The following FBXO4 variants were observed in gnomAD, a reference collection of about 807,000 sequenced individuals.
The protein encoded by FBXO4 is F-box only protein 4.
A neutral mutation model predicts 43.7 loss-of-function variants in FBXO4; 36 were observed. The ratio of observed to expected loss-of-function variants is 0.82; its 90% CI spans 0.63 to 1.09. FBXO4 has a LOEUF of 1.09. Ranked by LOEUF, FBXO4 falls within the 50% of genes least tolerant of loss-of-function variation. The probability of loss-of-function intolerance (pLI) is 0.00; values close to 1 mark genes in which losing one functional copy is unlikely to be tolerated. For synonymous variants in FBXO4, 180 were observed against 165.6 expected (o/e 1.09, Z -0.67); for missense variants, 435 against 474.1 (o/e 0.92, Z 0.77).
Position 41,925,457 on chromosome 5 carries a change from G to C in FBXO4, c.148G>C (p.Glu50Gln). The C allele has an allele frequency of 7.4e-7, 1 of 1,344,068 alleles. No individual in the cohort carries two copies. The highest frequency in any genetic ancestry group is 9.6e-7 in the Non-Finnish European group (1 of 1,040,560). The allele number at this position is 1,344,068 out of a possible 1,614,324, so 83.3% of individuals were successfully genotyped here. ...GAGGGTGGCGCGTACGACCTCACGG[G>C]AGGAGGTGGATGAGGCGGCCAGCAC... ...KERVARTTSREEVDEAASTLT... is the reference protein window; with the variant it reads ...KERVARTTSRQEVDEAASTLT... Residue 50 changes from glutamate to glutamine, a missense_variant, in exon 1 of 7, where the codon GAG becomes CAG. Transcript: ENST00000281623.
At chr5:42,030,244 G>T in the FBXO4 span, among the ~76,000 whole-genome samples, 1 of 152,054 alleles carries the variant, frequency 6.6e-6, no homozygotes, top group Non-Finnish European at 1.5e-5. Flanking sequence ...GCATGGTACT[G>T]GTACCAAAAC....
the FBXO4 span, among the ~76,000 whole-genome samples, chr5:42,027,286 A>G: frequency 6.6e-6 from 1 of 151,400 alleles, no homozygotes; most frequent in African/African-American, 2.4e-5. Context: ...GGTTGTATGT[A>G]TCTAAGAATT....
the FBXO4 span, among the ~76,000 whole-genome samples, chr5:42,004,847 C>T: frequency 3.3e-5 from 5 of 152,116 alleles, no homozygotes; most frequent in African/African-American, 1.2e-4. Context: ...CTCTACAATT[C>T]TTAGTGATGC....
the FBXO4 span, among the ~76,000 whole-genome samples, chr5:41,998,274 G>T: frequency 6.6e-6 from 1 of 152,290 alleles, no homozygotes; most frequent in South Asian, 2.1e-4. Flanking sequence ...CATTAGATCT[G>T]ATATACAGAG....
the FBXO4 span, among the ~76,000 whole-genome samples, chr5:42,010,896 C>T: frequency 1.3e-5 from 2 of 151,678 alleles, no homozygotes; most frequent in Admixed American, 1.3e-4. Flanking sequence ...TTAAATTATA[C>T]TTTAAGTTCT....
chr5:41,956,712 C>CTT, the FBXO4 span, among the ~76,000 whole-genome samples: 144 of 126,698 alleles, frequency 1.1e-3, no homozygotes, highest in African/African-American at 3.5e-3. Context: ...TTTTCTTCTT[C>CTT]TTTTTTTTTT....
the FBXO4 span, among the ~76,000 whole-genome samples, chr5:41,982,615 A>G: frequency 7.9e-5 from 12 of 152,086 alleles, no homozygotes; most frequent in Admixed American, 3.9e-4. Flanking sequence ...TTATTTACAA[A>G]ATCATATCTA....
intron 6 of FBXO4, 38 bp from the exon 7 acceptor site, chr5:41,941,154 G>T: frequency 6.4e-7 from 1 of 1,558,118 alleles, no homozygotes; most frequent in Non-Finnish European, 8.8e-7. Flanking sequence ...TTTGGACTTA[G>T]TTTCTTACTA....
chr5:41,945,531 TGA>T (rs925645420), downstream of FBXO4, among the ~76,000 whole-genome samples: 2 of 152,186 alleles, frequency 1.3e-5, no homozygotes, highest in Admixed American at 6.5e-5. Flanking sequence ...ACTGCCAGAA[TGA>T]GACAACAGCA....
chr5:42,039,274 C>T, the FBXO4 span, among the ~76,000 whole-genome samples: 1 of 151,920 alleles, frequency 6.6e-6, no homozygotes, highest in Non-Finnish European at 1.5e-5. Flanking sequence ...TGTTATTTGT[C>T]CTCTAGATTT....
chr5:42,022,352 G>A, the FBXO4 span, among the ~76,000 whole-genome samples: 56,422 of 152,020 alleles, frequency 0.37, 12,592 homozygotes, highest in African/African-American at 0.63. Context: ...AATTGTAAGT[G>A]CCCAGCCAGT....
chr5:42,006,167 T>C, the FBXO4 span, among the ~76,000 whole-genome samples: 1 of 152,124 alleles, frequency 6.6e-6, no homozygotes, highest in African/African-American at 2.4e-5. Flanking sequence ...TTTCACGAAA[T>C]TACAGTTCAA....
At chr5:42,027,617 T>G in the FBXO4 span, among the ~76,000 whole-genome samples, 241 of 152,012 alleles carry the variant, frequency 1.6e-3, no homozygotes, top group African/African-American at 5.6e-3. Flanking sequence ...TTCTAGTTCT[T>G]TAACATGCAT....
At chr5:41,974,037 T>C in the FBXO4 span, among the ~76,000 whole-genome samples, 1 of 152,234 alleles carries the variant, frequency 6.6e-6, no homozygotes, top group African/African-American at 2.4e-5. Flanking sequence ...TTCAGCACTG[T>C]AAAGCTAGAC....
Position 41,929,694 on chromosome 5 carries a change from C to T in FBXO4, c.426-3C>T. ...ATGTTCTAATTGTGACAATTTTTTA[C>T]AGCTATAGAATGTGCTGTCCATACA... On this transcript the variant is annotated splice_region_variant and splice_polypyrimidine_tract_variant and intron_variant, in intron 2 of 6. Coordinates refer to ENST00000281623, the MANE Select transcript of FBXO4 (RefSeq NM_012176.3). The T allele has an allele frequency of 3.2e-6, 5 of 1,566,218 alleles. No individual in the cohort carries two copies. Among genetic ancestry groups the T allele is most frequent in the Non-Finnish European group, 4.3e-6 (5 of 1,160,918 alleles).
intron 5 of FBXO4, chr5:41,934,650 T>G (rs1189162442): frequency 1.3e-5 from 14 of 1,105,524 alleles, no homozygotes; most frequent in Admixed American, 4.6e-5. Flanking sequence ...ATTTTTTTGC[T>G]TTATGCTTCT....
chr5:42,030,071 G>A, the FBXO4 span, among the ~76,000 whole-genome samples: 7 of 152,132 alleles, frequency 4.6e-5, no homozygotes, highest in African/African-American at 1.2e-4. Flanking sequence ...CCATCAAGCT[G>A]CCAATGACTT....
chr5:42,008,216 T>G, the FBXO4 span, among the ~76,000 whole-genome samples: 4 of 152,082 alleles, frequency 2.6e-5, no homozygotes, highest in Admixed American at 2.0e-4. Context: ...AATCAATAGG[T>G]GAAGGGTGTT....
chr5:42,036,874 C>A, the FBXO4 span, among the ~76,000 whole-genome samples: 1 of 151,870 alleles, frequency 6.6e-6, no homozygotes, highest in Non-Finnish European at 1.5e-5. Flanking sequence ...GAGTAAAGAA[C>A]TTTATCATCT....
Sources: gnomAD v4.1 joint callset for allele counts (sites outside exome capture counted in the v4.1 genomes callset) on GRCh38, gnomAD v4.1.1 for gene constraint, MANE v1.5 for transcripts, NCBI Gene and HGNC (gene_info 2026-07-23, HGNC 2026-07-21) for gene names.